The following FHIT variants were observed in gnomAD, a reference collection of about 807,000 sequenced individuals.
FHIT encodes fragile histidine triad diadenosine triphosphatase.
A neutral mutation model predicts 17.9 loss-of-function variants in FHIT; 19 were observed. The ratio of observed to expected loss-of-function variants is 1.06; its 90% CI spans 0.74 to 1.56. FHIT has a LOEUF of 1.56. FHIT is among the 40% of genes most tolerant of loss of function. The pLI is 0.00. For synonymous variants in FHIT, 81 were observed against 69.7 expected, an observed-to-expected ratio of 1.16 and a Z score of -0.81; for missense variants, 248 against 189.2, an observed-to-expected ratio of 1.31 and a Z score of -1.82.
At chr3:60,652,226 T>A (rs1464122646) in intron 4 of FHIT, among the ~76,000 whole-genome samples, 1 of 152,192 alleles carries the variant, frequency 6.6e-6, no homozygotes, top group Non-Finnish European at 1.5e-5. Context: ...TGGCTCTCCA[T>A]GTGGACTAGC....
chr3:60,442,330 A>T (rs908382345), intron 5 of FHIT, among the ~76,000 whole-genome samples: 2 of 152,140 alleles, frequency 1.3e-5, no homozygotes, highest in African/African-American at 4.8e-5. Flanking sequence ...TGGTCTATAG[A>T]AAAGAAAAAC....
chr3:60,003,819 A>G (rs1277527243), intron 7 of FHIT, among the ~76,000 whole-genome samples: 2 of 151,922 alleles, frequency 1.3e-5, no homozygotes, highest in Non-Finnish European at 2.9e-5. Context: ...AAAAGTACTG[A>G]ATCTTTCTCA....
At position 60,188,666 on chromosome 3, in the gene FHIT, C is replaced by T. The variant is rs191389543; in HGVS notation, c.104-174514G>A. ...AATTCAGCTTTTCCAAACTTCTTTA[C>T]ATTGCATCATAATATATATCACACC... On this transcript the variant is annotated intron_variant, in intron 5 of 9. Coordinates refer to ENST00000492590, the MANE Select transcript of FHIT (RefSeq NM_002012.4). Among the ~76,000 whole-genome samples, 5 of 152,268 alleles carry T rather than the reference C, an allele frequency of 3.3e-5. No homozygotes were observed. The East Asian group carries it at 7.7e-4, about 24-fold the overall frequency.
In FHIT at chr3:59,814,702, A is replaced by G. The variant is rs117335454; in HGVS notation, c.349-62381T>C. 6.2e-4 allele frequency among the ~76,000 whole-genome samples: 94 copies of G among 152,290 alleles called. 2 individuals carry two copies. In the East Asian group the frequency reaches 0.018, roughly 29 times the overall value. ...CCCTATTATCCTTCAGTATTTATAG[A>G]GCATCCGGCCTGTGCTAGGAGCTTG... On this transcript the variant is annotated intron_variant, in intron 8 of 9. Coordinates refer to ENST00000492590, the MANE Select transcript of FHIT (RefSeq NM_002012.4).
At position 61,173,744 on chromosome 3, in the gene FHIT, G is replaced by A. The variant is rs142752034; in HGVS notation, c.-164+26873C>T. 2.0e-3 allele frequency among the ~76,000 whole-genome samples: 311 copies of A among 152,302 alleles called. 1 individual carries two copies. The highest frequency in any genetic ancestry group is 7.0e-3 in the African/African-American group (289 of 41,556). ...CACTTAAAAGTGACTCTTCTAGCAGGAGGTTTGGGCACCCAGCCAGATTAA... is the reference window on the plus strand; with the variant it reads ...CACTTAAAAGTGACTCTTCTAGCAGAAGGTTTGGGCACCCAGCCAGATTAA... On this transcript the variant is annotated intron_variant, in intron 2 of 9. Transcript: ENST00000492590.
rs938987699 is a variant in FHIT at position 59,783,073 on chromosome 3, T to C, written c.349-30752A>G. Among the ~76,000 whole-genome samples the C allele has an allele frequency of 3.0e-4, 46 of 152,134 alleles. 1 individual carries two copies. Among genetic ancestry groups the C allele is most frequent in the African/African-American group, 1.1e-3 (44 of 41,420 alleles). On this transcript the variant is annotated intron_variant, in intron 8 of 9. Transcript: ENST00000492590. ...AGTCTGGGGCTGCTGCCTCTTCTGA[T>C]TGGCTGCCTGGCTCTGACTCTGATC...
chr3:59,985,469 AAAATAAAGTGT>A (rs1204621688), intron 7 of FHIT, among the ~76,000 whole-genome samples: 1 of 152,168 alleles, frequency 6.6e-6, no homozygotes. Context: ...CCTATTCCAA[AAAATAAAGTGT>A]AAGTAAGTAA....
At chr3:59,949,154 G>A (rs113165450) in intron 7 of FHIT, among the ~76,000 whole-genome samples, 45 of 152,304 alleles carry the variant, frequency 3.0e-4, no homozygotes, top group Admixed American at 5.9e-4. Flanking sequence ...AGAGTTTTGA[G>A]AATTCATTAT....
intron 3 of FHIT, among the ~76,000 whole-genome samples, chr3:60,952,646 T>G (rs1708942199): frequency 6.6e-6 from 1 of 152,054 alleles, no homozygotes; most frequent in Non-Finnish European, 1.5e-5. Flanking sequence ...GTGCAAGAAG[T>G]GTTCTCTAAC....
chr3:61,195,129 A>G (rs1459076773), intron 2 of FHIT, among the ~76,000 whole-genome samples: 2 of 151,450 alleles, frequency 1.3e-5, no homozygotes, highest in South Asian at 4.2e-4. Context: ...GGAAGAAAGA[A>G]AAAAAAAAGT....
At chr3:60,142,485 T>C (rs1176096897) in intron 5 of FHIT, among the ~76,000 whole-genome samples, 1 of 94,108 alleles carries the variant, frequency 1.1e-5, no homozygotes, top group Non-Finnish European at 2.5e-5. Context: ...AGGCTATTTA[T>C]TTTTTAATTT....
intron 8 of FHIT, among the ~76,000 whole-genome samples, chr3:59,825,104 T>A (rs1177541021): frequency 6.6e-6 from 1 of 152,250 alleles, no homozygotes; most frequent in African/African-American, 2.4e-5. Context: ...TGGGGCCTCC[T>A]ACTGTCTTCT....
intron 7 of FHIT, among the ~76,000 whole-genome samples, chr3:59,993,725 T>G (rs1017893521): frequency 6.6e-6 from 1 of 151,694 alleles, no homozygotes; most frequent in African/African-American, 2.4e-5. Flanking sequence ...TCCCCCAACA[T>G]TTTCTTGATG....
At chr3:59,787,407 G>A (rs1328980846) in intron 8 of FHIT, among the ~76,000 whole-genome samples, 1 of 145,854 alleles carries the variant, frequency 6.9e-6, no homozygotes, top group African/African-American at 2.6e-5. Context: ...GAACCAATGG[G>A]AAGTCACGTC....
intron 4 of FHIT, among the ~76,000 whole-genome samples, chr3:60,569,620 A>G (rs2037281455): frequency 6.6e-6 from 1 of 151,044 alleles, no homozygotes; most frequent in Non-Finnish European, 1.5e-5. Flanking sequence ...TAGCTAGGAG[A>G]CTTTGGGCAA....
At chr3:60,773,306 AT>A (rs1700107079) in intron 4 of FHIT, among the ~76,000 whole-genome samples, 2 of 152,350 alleles carry the variant, frequency 1.3e-5, no homozygotes, top group South Asian at 4.1e-4. Context: ...AAGAATATTT[AT>A]TTATTAGTGT....
chr3:60,595,897 TTA>T (rs1553666261), intron 4 of FHIT, among the ~76,000 whole-genome samples: 1 of 151,958 alleles, frequency 6.6e-6, no homozygotes, highest in Admixed American at 6.6e-5. Context: ...AGCACGGGAA[TTA>T]TAGGTGTGAG....
chr3:61,205,107 T>C (rs2039176657), intron 1 of FHIT, among the ~76,000 whole-genome samples: 1 of 151,952 alleles, frequency 6.6e-6, no homozygotes, highest in South Asian at 2.1e-4. Context: ...TTGCAGAGAA[T>C]GATGGTTTCC....
chr3:59,946,347 GC>G (rs1183045080), intron 7 of FHIT, among the ~76,000 whole-genome samples: 2 of 152,130 alleles, frequency 1.3e-5, no homozygotes, highest in African/African-American at 2.4e-5. Context: ...TATAGAAAAA[GC>G]TACTAATTTT....
Sources: allele counts gnomAD v4.1 joint callset (sites outside exome capture counted in the v4.1 genomes callset), GRCh38; gene constraint gnomAD v4.1.1; transcripts MANE v1.5; gene names NCBI Gene and HGNC (gene_info 2026-07-23, HGNC 2026-07-21).